Variants in IFT80 observed in about 807,000 individuals in gnomAD.
IFT80 encodes the protein intraflagellar transport 80.
In IFT80, 79 loss-of-function variants were observed where a neutral mutation model predicts 107.9. That is an observed-to-expected ratio of 0.73 (90% confidence interval 0.61 to 0.88). The LOEUF (loss-of-function observed/expected upper bound fraction) is 0.88, where lower values mean the gene tolerates loss of function less well. Ranked by LOEUF, IFT80 falls within the 40% of genes least tolerant of loss-of-function variation. IFT80 has a pLI of 0.00. For missense variants in IFT80, 797 were observed against 914.2 expected, an observed-to-expected ratio of 0.87 and a Z score of 1.65; for synonymous variants, 299 against 300.9, an observed-to-expected ratio of 0.99 and a Z score of 0.07.
At chr3:160,351,361 T>A (rs1480695042) in intron 8 of IFT80, among the ~76,000 whole-genome samples, 1 of 149,556 alleles carries the variant, frequency 6.7e-6, no homozygotes, top group African/African-American at 2.4e-5. Context: ...TGTTAGAGAT[T>A]TAGATTGCTT....
intron 11 of IFT80, among the ~76,000 whole-genome samples, chr3:160,302,876 A>G (rs1716546478): frequency 6.6e-6 from 1 of 152,158 alleles, no homozygotes; most frequent in South Asian, 2.1e-4. Context: ...ACATTTTTCA[A>G]TAACTATTTA....
chr3:160,297,689 T>C (rs1027351961), intron 12 of IFT80, among the ~76,000 whole-genome samples: 2 of 152,126 alleles, frequency 1.3e-5, no homozygotes, highest in Non-Finnish European at 2.9e-5. Flanking sequence ...AAAATTTTTG[T>C]CTTTCATTTA....
In IFT80 at chr3:160,280,677, T is replaced by C. The variant is rs1351127264; in HGVS notation, c.1654A>G (p.Arg552Gly). Residue 552 changes from arginine to glycine, a missense_variant, in exon 15 of 20, where the codon AGG becomes GGG. Coordinates refer to ENST00000326448, the MANE Select transcript of IFT80 (RefSeq NM_020800.3). The stretch of plus-strand genomic sequence containing the variant: ...GCAGTAAAATGTTACCTTGCATCCC[T>C]TTCATATAATGTTTTAGGCAAAATG... ...RDILPKTLYE[R>G]DASEFSKNPH... The C allele has an allele frequency of 1.2e-6, 2 of 1,611,832 alleles. No homozygotes were observed. Among genetic ancestry groups the C allele is most frequent in the Non-Finnish European group, 1.7e-6 (2 of 1,178,370 alleles).
At chr3:160,377,985 T>C (rs1219438542) in intron 3 of IFT80, 1 of 153,244 alleles carries the variant, frequency 6.5e-6, no homozygotes, top group Non-Finnish European at 1.5e-5. Flanking sequence ...GCTTCTTGTA[T>C]CACTTATTCT....
chr3:160,330,295 C>T (rs1576820104), intron 8 of IFT80, among the ~76,000 whole-genome samples: 1 of 152,186 alleles, frequency 6.6e-6, no homozygotes, highest in South Asian at 2.1e-4. Context: ...TAATAAAGAG[C>T]CATTGTTTCA....
At chr3:160,260,764 T>TC (rs997699307) in intron 19 of IFT80, among the ~76,000 whole-genome samples, 1 of 152,220 alleles carries the variant, frequency 6.6e-6, no homozygotes, top group Non-Finnish European at 1.5e-5. Context: ...TATCTGGCAC[T>TC]CCTTATTCTA....
intron 9 of IFT80, among the ~76,000 whole-genome samples, chr3:160,310,870 T>A (rs1281466816): frequency 6.6e-6 from 1 of 152,202 alleles, no homozygotes; most frequent in East Asian, 1.9e-4. Context: ...GCATGGTGGC[T>A]TATGCCTTTA....
intron 19 of IFT80, among the ~76,000 whole-genome samples, chr3:160,264,012 G>A (rs538818993): frequency 1.3e-5 from 2 of 152,044 alleles, no homozygotes; most frequent in African/African-American, 4.8e-5. Flanking sequence ...ATATTGCCCA[G>A]GCTGGTCTTG....
Position 160,268,553 on chromosome 3 carries a change from AAC to A in IFT80, c.2100-19_2100-18del. The A allele has an allele frequency of 6.2e-7, 1 of 1,611,464 alleles. No homozygotes were observed. Among genetic ancestry groups the A allele is most frequent in the Non-Finnish European group, 8.5e-7 (1 of 1,177,926 alleles). ...TCCAGTGCCCTATAATGAGAAATAA[AAC>A]AGATTATTAACATTGTTTGTGTCAG... On this transcript the variant is annotated intron_variant, in intron 18 of 19. Transcript: ENST00000326448.
At chr3:160,384,518 T>G in intron 2 of IFT80, 46 bp downstream of exon 2, 3 of 1,408,394 alleles carry the variant, frequency 2.1e-6, no homozygotes, top group Non-Finnish European at 2.9e-6. Flanking sequence ...TTAACAATAC[T>G]ATAATTAAGA....
At chr3:160,314,488 G>A (rs982403656) in intron 9 of IFT80, among the ~76,000 whole-genome samples, 4 of 152,164 alleles carry the variant, frequency 2.6e-5, no homozygotes, top group Non-Finnish European at 4.4e-5. Context: ...GAGGTTCAGA[G>A]AGACGGTAGG....
chr3:160,282,016 G>C (rs748327377), intron 14 of IFT80, among the ~76,000 whole-genome samples: 1 of 152,166 alleles, frequency 6.6e-6, no homozygotes, highest in Non-Finnish European at 1.5e-5. Flanking sequence ...AGTGGCTTAC[G>C]CCTGTAATCC....
chr3:160,282,737 A>T (rs1714784097), intron 13 of IFT80, 124 bp from the exon 14 acceptor site: 2 of 668,266 alleles, frequency 3.0e-6, no homozygotes, highest in Non-Finnish European at 5.2e-6. Flanking sequence ...TTATAATGAT[A>T]AAATGTCCCT....
intron 6 of IFT80, among the ~76,000 whole-genome samples, chr3:160,359,386 G>C (rs910823002): frequency 6.6e-6 from 1 of 152,172 alleles, no homozygotes; most frequent in Admixed American, 6.5e-5. Context: ...TTCCAAGATG[G>C]CTGAATAGGA....
intron 10 of IFT80, among the ~76,000 whole-genome samples, chr3:160,305,107 C>T (rs1052505774): frequency 2.6e-5 from 4 of 151,876 alleles, no homozygotes; most frequent in Non-Finnish European, 5.9e-5. Context: ...ACAGAAAAAC[C>T]CATCCTTAAA....
intron 12 of IFT80, among the ~76,000 whole-genome samples, chr3:160,287,757 A>G (rs1715205341): frequency 6.6e-6 from 1 of 152,224 alleles, no homozygotes; most frequent in Admixed American, 6.5e-5. Context: ...TATCTATAAT[A>G]TAATAGCTAA....
chr3:160,307,127 T>G (rs1038466201), intron 10 of IFT80, among the ~76,000 whole-genome samples: 1 of 152,202 alleles, frequency 6.6e-6, no homozygotes, highest in Non-Finnish European at 1.5e-5. Flanking sequence ...TCAAGAATTT[T>G]GTAAGCCAAC....
intron 13 of IFT80, among the ~76,000 whole-genome samples, chr3:160,283,541 A>G (rs548707589): frequency 1.3e-5 from 2 of 152,320 alleles, no homozygotes; most frequent in Non-Finnish European, 2.9e-5. Flanking sequence ...GGAATACCAT[A>G]ATTTATATTT....
At chr3:160,305,483 T>C (rs1716771529) in intron 10 of IFT80, among the ~76,000 whole-genome samples, 1 of 152,186 alleles carries the variant, frequency 6.6e-6, no homozygotes, top group East Asian at 1.9e-4. Context: ...CAAAATACTT[T>C]ATTAACTAAC....
Sources: gnomAD v4.1 joint callset for allele counts (sites outside exome capture counted in the v4.1 genomes callset) on GRCh38, gnomAD v4.1.1 for gene constraint, MANE v1.5 for transcripts, NCBI Gene and HGNC (gene_info 2026-07-23, HGNC 2026-07-21) for gene names.